Variants in TAAR5 observed in about 807,000 individuals in gnomAD.
The protein encoded by TAAR5 is trace amine associated receptor 5.
A neutral mutation model predicts 21.1 loss-of-function variants in TAAR5; 27 were observed. The observed-to-expected ratio is 1.28, with a 90% CI of 0.94 to 1.76. TAAR5 has a LOEUF of 1.76. TAAR5 is among the 40% of genes most tolerant of loss of function. The pLI, the probability that TAAR5 is intolerant of heterozygous loss-of-function variation, is 0.00. For synonymous variants in TAAR5, 203 were observed against 167.5 expected (o/e 1.21, Z -1.64); for missense variants, 495 against 405.6 (o/e 1.22, Z -1.89).
chr6:132,615,004 C>A, the TAAR5 span, among the ~76,000 whole-genome samples: 1 of 152,108 alleles, frequency 6.6e-6, no homozygotes, highest in African/African-American at 2.4e-5. Flanking sequence ...GCTGGGACTA[C>A]AGGCACACAC....
At chr6:132,599,078 T>G in the TAAR5 span, among the ~76,000 whole-genome samples, 2 of 152,142 alleles carry the variant, frequency 1.3e-5, no homozygotes, top group African/African-American at 4.8e-5. Flanking sequence ...ATTTTTCAAA[T>G]AAAGGTCTTA....
the TAAR5 span, among the ~76,000 whole-genome samples, chr6:132,614,421 GT>G: frequency 6.6e-6 from 1 of 152,080 alleles, no homozygotes; most frequent in Non-Finnish European, 1.5e-5. Context: ...TTGTTTTTTA[GT>G]TAAAAACTAT....
At chr6:132,604,146 C>CTTTTTTTTTTTT in the TAAR5 span, among the ~76,000 whole-genome samples, 6 of 125,990 alleles carry the variant, frequency 4.8e-5, no homozygotes, top group African/African-American at 5.9e-5. Context: ...TTTTTCTTTT[C>CTTTTTTTTTTTT]TTTTTTTTTT....
chr6:132,600,601 A>G, the TAAR5 span, among the ~76,000 whole-genome samples: 1 of 152,176 alleles, frequency 6.6e-6, no homozygotes, highest in Non-Finnish European at 1.5e-5. Flanking sequence ...TTGTAAAAGG[A>G]AAAACAATTA....
chr6:132,608,468 G>A, the TAAR5 span: 1 of 454,984 alleles, frequency 2.2e-6, no homozygotes, highest in Non-Finnish European at 4.4e-6. Flanking sequence ...AGAAAACAAG[G>A]CAACCAGCAA....
At chr6:132,603,073 T>C in the TAAR5 span, among the ~76,000 whole-genome samples, 6 of 151,756 alleles carry the variant, frequency 4.0e-5, no homozygotes, top group South Asian at 1.0e-3. Flanking sequence ...GAGGCCGAAG[T>C]GGGTAAATTG....
At chr6:132,616,730 T>C in the TAAR5 span, among the ~76,000 whole-genome samples, 2 of 152,220 alleles carry the variant, frequency 1.3e-5, no homozygotes, top group African/African-American at 4.8e-5. Context: ...TGCTTCAAAG[T>C]ACATCTGGTA....
the TAAR5 span, among the ~76,000 whole-genome samples, chr6:132,602,992 C>T: frequency 6.6e-6 from 1 of 151,970 alleles, no homozygotes; most frequent in African/African-American, 2.4e-5. Flanking sequence ...GGCCTTGCTG[C>T]AGTTCAGTGA....
Position 132,589,036 on chromosome 6 carries a change from G to A in TAAR5, c.651C>T (p.Ser217=). Residue 217 remains serine, a synonymous_variant, in exon 1 of 1, where the codon AGC becomes AGT. Transcript: ENST00000258034. ...LFFVPCLIMI[S]LYVKIFVVAT... is the part of the protein sequence containing the mutation. ...CAACCACAAAGATCTTCACATACAAGCTGATCATAATGAGGCAGGGGACAA... is the reference window on the plus strand; with the variant it reads ...CAACCACAAAGATCTTCACATACAAACTGATCATAATGAGGCAGGGGACAA... 6.2e-7 allele frequency: 1 copy of A among 1,614,050 alleles called. No individual in the cohort carries two copies. The highest frequency in any genetic ancestry group is 8.5e-7 in the Non-Finnish European group (1 of 1,179,988).
the TAAR5 span, among the ~76,000 whole-genome samples, chr6:132,605,836 G>A: frequency 7.1e-6 from 1 of 141,418 alleles, no homozygotes; most frequent in Admixed American, 6.8e-5. Context: ...ATTCACAATA[G>A]CAAAGACATG....
the TAAR5 span, among the ~76,000 whole-genome samples, chr6:132,607,920 T>C: frequency 6.6e-6 from 1 of 152,206 alleles, no homozygotes; most frequent in African/African-American, 2.4e-5. Flanking sequence ...AAAATTCTTA[T>C]ATTGCTTTTT....
chr6:132,588,872 G>C lies in TAAR5; in HGVS notation c.815C>G (p.Thr272Arg), dbSNP rs34746740. Residue 272 changes from threonine to arginine, a missense_variant, in exon 1 of 1, where the codon ACG becomes AGG. Thr to Arg is a moderately conservative substitution (Grantham distance 71). Coordinates refer to ENST00000258034, the MANE Select transcript of TAAR5 (RefSeq NM_003967.3). ...LLCWLPFTID[T>R]MVDSLLHFIT... is the part of the protein sequence containing the mutation. The stretch of plus-strand genomic sequence containing the variant: ...AAAGTGAAGGAGGCTGTCGACCATC[G>C]TGTCTATGGTGAAGGGCAGCCAGCA... 1.9e-6 allele frequency: 3 copies of C among 1,614,112 alleles called. No individual in the cohort carries two copies. Among genetic ancestry groups the C allele is most frequent in the East Asian group, 2.2e-5 (1 of 44,870 alleles).
chr6:132,589,692 A>T lies in TAAR5; in HGVS notation c.-6T>A, dbSNP rs772053671. 1 of 1,258,596 alleles carries T rather than the reference A, an allele frequency of 7.9e-7. No individual in the cohort carries two copies. Among genetic ancestry groups the T allele is most frequent in the Non-Finnish European group, 1.0e-6 (1 of 972,320 alleles). 78.0% of individuals were successfully genotyped at this position (1,258,596 alleles called of 1,614,324 possible). ...TGGATGAAGACAGCTCTCATTTATG[A>T]TTTCTACTCTTCCTCTGTCTGAGAA... On this transcript the variant is annotated 5_prime_UTR_variant, in exon 1 of 1. Coordinates refer to ENST00000258034, the MANE Select transcript of TAAR5 (RefSeq NM_003967.3).
the TAAR5 span, among the ~76,000 whole-genome samples, chr6:132,597,677 C>A: frequency 6.6e-6 from 1 of 152,102 alleles, no homozygotes; most frequent in African/African-American, 2.4e-5. Context: ...TTCCCCCAAG[C>A]ATCAGCAACA....
At chr6:132,603,302 CA>C in the TAAR5 span, among the ~76,000 whole-genome samples, 1,406 of 99,218 alleles carry the variant, frequency 0.014, 12 homozygotes, top group African/African-American at 0.041. Flanking sequence ...GACCCTATCT[CA>C]AAAAAAAAAA....
rs754307114 is a variant in TAAR5, at chr6:132,589,729, C to T, written c.-43G>A. On this transcript the variant is annotated 5_prime_UTR_variant, in exon 1 of 1. Coordinates refer to ENST00000258034, the MANE Select transcript of TAAR5 (RefSeq NM_003967.3). ...CCTCTGTCTGAGAACTGGCCACCTT[C>T]TCCACTGGAGGGCAAAAAAAAAAAA... 10 of 433,070 alleles carry T rather than the reference C, an allele frequency of 2.3e-5. 1 individual carries two copies. The East Asian group carries it at 4.8e-4, about 21-fold the overall frequency. 26.8% of individuals were successfully genotyped at this position (433,070 alleles called of 1,614,324 possible). A position where few individuals can be genotyped will look rare whatever the true frequency, so the allele number is the denominator to read the frequency against.
Position 132,589,438 on chromosome 6 carries a change from C to G in TAAR5, c.249G>C (p.Leu83=), listed in dbSNP as rs1367810528. ...LLSLALADMF[L]GLLVLPLSTI... ...TGCTGAGGGGCAGCACCAGCAGACCCAGAAACATGTCAGCCAGGGCCAGGG... is the reference window on the plus strand; with the variant it reads ...TGCTGAGGGGCAGCACCAGCAGACCGAGAAACATGTCAGCCAGGGCCAGGG... The change falls in exon 1 of 1, where the codon CTG becomes CTC. Residue 83 remains leucine, a synonymous_variant. Coordinates refer to ENST00000258034, the MANE Select transcript of TAAR5 (RefSeq NM_003967.3). The G allele has an allele frequency of 6.2e-7, 1 of 1,613,812 alleles. No homozygotes were observed. The highest frequency in any genetic ancestry group is 8.5e-7 in the Non-Finnish European group (1 of 1,179,896).
the TAAR5 span, among the ~76,000 whole-genome samples, chr6:132,600,893 G>T: frequency 7.5e-6 from 1 of 132,928 alleles, no homozygotes; most frequent in Non-Finnish European, 1.6e-5. Flanking sequence ...GGGAAGAAGG[G>T]AAGGAGGGAA....
the TAAR5 span, chr6:132,609,446 G>C: frequency 6.1e-6 from 1 of 163,352 alleles, no homozygotes; most frequent in African/African-American, 2.4e-5. Flanking sequence ...TATATCAACT[G>C]TGTTTGCTTT....
Sources: allele counts gnomAD v4.1 joint callset (sites outside exome capture counted in the v4.1 genomes callset), GRCh38; gene constraint gnomAD v4.1.1; transcripts MANE v1.5; gene names NCBI Gene and HGNC (gene_info 2026-07-23, HGNC 2026-07-21).